GPBP1: variants seen among roughly 807,000 people sequenced by gnomAD.
The protein encoded by GPBP1 is GC-rich promoter binding protein 1, also known as vasculin.
GPBP1 carries 13 observed loss-of-function variants against 56.5 expected under a neutral mutation model. The observed-to-expected ratio is 0.23, with a 90% CI of 0.15 to 0.37. The LOEUF (loss-of-function observed/expected upper bound fraction) is 0.37. GPBP1 is among the 10% of genes least tolerant of loss of function. GPBP1 has a pLI of 1.00. For synonymous variants in GPBP1, 204 were observed against 188.9 expected (o/e 1.08, Z -0.66); for missense variants, 477 against 572.3 (o/e 0.83, Z 1.70).
chr5:57,200,360 ATTTTTTTTT>A (rs70999063), intron 2 of GPBP1, among the ~76,000 whole-genome samples: 21 of 69,830 alleles, frequency 3.0e-4, no homozygotes, highest in Non-Finnish European at 4.7e-4. Context: ...ATAAGTTTGA[ATTTTTTTTT>A]TTTTTTTTTT....
Position 57,175,769 on chromosome 5 carries a change from G to C in GPBP1, c.-689G>C, listed in dbSNP as rs1280940009. 2.0e-5 allele frequency: 8 copies of C among 396,692 alleles called. No individual in the cohort carries two copies. The highest frequency in any genetic ancestry group is 3.5e-5 in the Non-Finnish European group (8 of 225,506). 24.6% of individuals were successfully genotyped at this position (396,692 alleles called of 1,614,324 possible). On this transcript the variant is annotated 5_prime_UTR_variant, in exon 2 of 12. Transcript: ENST00000506184. The stretch of plus-strand genomic sequence containing the variant: ...TGGGGTTCTTCAGCCGAAACTGAGA[G>C]ACGTTGATTTGTGTACTGAGTAGTT...
chr5:57,243,225 C>G (rs1462417124), intron 6 of GPBP1, among the ~76,000 whole-genome samples: 1 of 151,856 alleles, frequency 6.6e-6, no homozygotes. Context: ...TGCCACCATA[C>G]CTGGCTAATT....
intron 2 of GPBP1, among the ~76,000 whole-genome samples, chr5:57,188,201 A>T (rs896240475): frequency 6.6e-6 from 1 of 151,420 alleles, no homozygotes; most frequent in Non-Finnish European, 1.5e-5. Flanking sequence ...CTGAGATCGC[A>T]CCACTGCACT....
chr5:57,220,177 A>T (rs1755894252), intron 3 of GPBP1, among the ~76,000 whole-genome samples: 1 of 151,988 alleles, frequency 6.6e-6, no homozygotes, highest in African/African-American at 2.4e-5. Flanking sequence ...AAAAATAGAG[A>T]CAGGGTCTCA....
rs1192188581 is a variant in GPBP1 at position 57,222,751 on chromosome 5, G to T, written c.64-8095G>T. On this transcript the variant is annotated intron_variant, in intron 3 of 11. Transcript: ENST00000506184. ...CTGAATCAGAAGGTTTGTACATTTT[G>T]GTAGATAATGCCTAACTGCTCTCCA... 2.0e-5 allele frequency among the ~76,000 whole-genome samples: 3 copies of T among 152,158 alleles called. No homozygotes were observed. The East Asian group carries it at 5.8e-4, about 29-fold the overall frequency.
chr5:57,254,272 T>TAATCATATA, intron 10 of GPBP1, among the ~76,000 whole-genome samples: 1 of 152,234 alleles, frequency 6.6e-6, no homozygotes, highest in African/African-American at 2.4e-5. Flanking sequence ...AGAATAAATC[T>TAATCATATA]TTATCTTTCT....
chr5:57,185,727 C>T (rs1353879320), intron 2 of GPBP1, among the ~76,000 whole-genome samples: 2 of 152,010 alleles, frequency 1.3e-5, no homozygotes. Flanking sequence ...GGCCTGAGCA[C>T]GGTGCCTCAT....
chr5:57,229,354 G>A (rs1001727746), intron 3 of GPBP1, among the ~76,000 whole-genome samples: 2 of 145,338 alleles, frequency 1.4e-5, no homozygotes, highest in Non-Finnish European at 3.0e-5. Flanking sequence ...CTTGCATTTT[G>A]ATTACAAGAG....
At chr5:57,246,235 G>A (rs1172190613) in intron 6 of GPBP1, 65 bp from the exon 7 acceptor site, 1 of 1,287,386 alleles carries the variant, frequency 7.8e-7, no homozygotes, top group East Asian at 2.4e-5. Flanking sequence ...TGTTCTTTTG[G>A]TGGTTTTATT....
At position 57,184,427 on chromosome 5, in the gene GPBP1, T is replaced by TA. The variant is rs1754197583; in HGVS notation, c.-58+8028dup. The stretch of plus-strand genomic sequence containing the variant: ...GCTTCTGGTGAGGCCTCAGGGAGCT[T>TA]ACAATAATGGCATAACTGGAGCAGG... On this transcript the variant is annotated intron_variant, in intron 2 of 11. Transcript: ENST00000506184. Among the ~76,000 whole-genome samples the TA allele has an allele frequency of 2.6e-5, 4 of 151,980 alleles. No individual in the cohort carries two copies. In the South Asian group the frequency reaches 8.3e-4, roughly 32 times the overall value.
intron 3 of GPBP1, among the ~76,000 whole-genome samples, chr5:57,223,865 G>C (rs1293743799): frequency 6.6e-6 from 1 of 150,718 alleles, no homozygotes; most frequent in Non-Finnish European, 1.5e-5. Flanking sequence ...ATGGAGTCTC[G>C]CTCTTTCCCC....
At chr5:57,230,634 A>G (rs1756410101) in intron 3 of GPBP1, 2 of 544,106 alleles carry the variant, frequency 3.7e-6, no homozygotes, top group Non-Finnish European at 6.5e-6. Context: ...TCGAACTCTA[A>G]GCACATGTGC....
chr5:57,228,743 C>T (rs927006235), intron 3 of GPBP1, among the ~76,000 whole-genome samples: 1 of 147,566 alleles, frequency 6.8e-6, no homozygotes, highest in Non-Finnish European at 1.5e-5. Flanking sequence ...GGGCATAATA[C>T]AAAAAAATTT....
At chr5:57,190,618 G>A (rs1754479589) in intron 2 of GPBP1, among the ~76,000 whole-genome samples, 1 of 145,234 alleles carries the variant, frequency 6.9e-6, no homozygotes, top group Non-Finnish European at 1.5e-5. Context: ...GCTATTTTAT[G>A]TGTCTAGAAT....
At position 57,263,231 on chromosome 5, in the gene GPBP1, A is replaced by G. The variant is rs1741985670; in HGVS notation, c.*479A>G. 6.5e-6 allele frequency: 1 copy of G among 152,766 alleles called. No individual in the cohort carries two copies. The highest frequency in any genetic ancestry group is 2.4e-5 in the African/African-American group (1 of 41,468). 9.5% of individuals were successfully genotyped at this position (152,766 alleles called of 1,614,324 possible). A position where few individuals can be genotyped will look rare whatever the true frequency, so the allele number is the denominator to read the frequency against. ...CCTTCCCCCAAAAAACAACAACAAC[A>G]AAACAAAAACCAAAAAGGAAAATGT... is the stretch of plus-strand genomic sequence containing the variant. On this transcript the variant is annotated 3_prime_UTR_variant, in exon 12 of 12. Transcript: ENST00000506184.
rs1442516637 is a variant in GPBP1, at chr5:57,220,067, AT to A, written c.63+5875del. Among the ~76,000 whole-genome samples the A allele has an allele frequency of 3.3e-5, 5 of 151,942 alleles. No individual in the cohort carries two copies. In the East Asian group the frequency reaches 9.7e-4, roughly 29 times the overall value. ...ACCCTGTCTCAAAAAAAAAAAAAAA[AT>A]CTGGAAAGATACACAAAACATTAAA... is the stretch of plus-strand genomic sequence containing the variant. On this transcript the variant is annotated intron_variant, in intron 3 of 11. Transcript: ENST00000506184.
At chr5:57,182,124 C>T (rs1183805628) in intron 2 of GPBP1, among the ~76,000 whole-genome samples, 2 of 152,194 alleles carry the variant, frequency 1.3e-5, no homozygotes, top group African/African-American at 2.4e-5. Flanking sequence ...CTCCCTCTTG[C>T]CCAGGCTGGA....
chr5:57,228,670 G>A (rs1360987671), intron 3 of GPBP1, among the ~76,000 whole-genome samples: 4 of 151,294 alleles, frequency 2.6e-5, no homozygotes, highest in African/African-American at 9.7e-5. Flanking sequence ...TTTTTTTAAG[G>A]AAATTAAAAA....
chr5:57,241,849 A>G (rs745859942), intron 6 of GPBP1, among the ~76,000 whole-genome samples: 1 of 152,236 alleles, frequency 6.6e-6, no homozygotes, highest in Non-Finnish European at 1.5e-5. Context: ...TAACCAAGTC[A>G]GAAAGTAAAC....
Sources: allele counts gnomAD v4.1 joint callset (sites outside exome capture counted in the v4.1 genomes callset), GRCh38; gene constraint gnomAD v4.1.1; transcripts MANE v1.5; gene names NCBI Gene and HGNC (gene_info 2026-07-23, HGNC 2026-07-21).